NOP53: variants seen among roughly 807,000 people sequenced by gnomAD.
NOP53 encodes NOP53 ribosome biogenesis factor.
In NOP53, 40 loss-of-function variants were observed where a neutral mutation model predicts 61.0. The ratio of observed to expected loss-of-function variants is 0.66; its 90% CI spans 0.51 to 0.85. The LOEUF is 0.85. Among genes scored for constraint, NOP53 ranks in the 40% least tolerant of loss-of-function variants. The probability of loss-of-function intolerance (pLI) is 0.00; values close to 1 mark genes in which losing one functional copy is unlikely to be tolerated. For missense variants in NOP53, 689 were observed against 652.9 expected (o/e 1.06, Z -0.60); for synonymous variants, 308 against 289.5 (o/e 1.06, Z -0.65).
rs369444620 is a variant in NOP53, at chr19:47,746,962, C to T, written c.225-5C>T. ...TGGCTGATGTTCTGCATTTCTGTCC[C>T]CCAGTGGCTTGTTGTCAGAGGCCCC... On this transcript the variant is annotated splice_polypyrimidine_tract_variant and splice_region_variant and intron_variant, in intron 1 of 12. Coordinates refer to ENST00000246802, the MANE Select transcript of NOP53 (RefSeq NM_015710.5). The T allele has an allele frequency of 1.2e-6, 2 of 1,612,300 alleles. No homozygotes were observed. The highest frequency in any genetic ancestry group is 2.7e-5 in the African/African-American group (2 of 74,876).
rs1967108175 is a variant in NOP53 at position 47,750,245 on chromosome 19, C to A, written c.357C>A (p.Asp119Glu). ...SLLLKKPLRV[D>E]LILENTSKVP... ...TTCTCAAGAAACCCCTTCGGGTTGA[C>A]CTCATCCTCGAGAACACATCCAAAG... The change falls in exon 3 of 13, where the codon GAC (aspartate) becomes GAA (glutamate). Residue 119 changes from aspartate (D) to glutamate (E), a missense_variant. Asp to Glu is a conservative substitution (Grantham distance 45). Transcript: ENST00000246802. The A allele has an allele frequency of 1.2e-6, 2 of 1,612,210 alleles. No homozygotes were observed. Among genetic ancestry groups the A allele is most frequent in the African/African-American group, 1.3e-5 (1 of 75,026 alleles).
chr19:47,754,080 C>A lies in NOP53; in HGVS notation c.766-447C>A, dbSNP rs1967156059. 1 of 157,440 alleles carries A rather than the reference C, an allele frequency of 6.4e-6. No homozygotes were observed. Among genetic ancestry groups the A allele is most frequent in the Non-Finnish European group, 1.4e-5 (1 of 71,226 alleles). 9.8% of individuals were successfully genotyped at this position (157,440 alleles called of 1,614,324 possible). On this transcript the variant is annotated intron_variant, in intron 6 of 12. Transcript: ENST00000246802. This position sits in a 1 kb window ranked among gnomAD's most constrained non-coding sequence, Gnocchi z 4.2. ...ACCACCTGAGGTCAGGAGTTCAAGA[C>A]CAGCCTGACCAACATGGAGAAACCC...
chr19:47,745,730 G>T lies in NOP53; in HGVS notation c.171G>T (p.Gly57=). Residue 57 remains glycine (G), a synonymous_variant, in exon 1 of 13, where the codon GGG becomes GGT. Transcript: ENST00000246802. ...GGCGGCTTGCTCAGGAGCCGCTGGG[G>T]CTGGAGGTTGACCAGTTCCTGGAAG... is the stretch of plus-strand genomic sequence containing the variant. ...GWRRLAQEPL[G]LEVDQFLEDV... is the part of the protein sequence containing the mutation. 1 of 1,607,984 alleles carries T rather than the reference G, an allele frequency of 6.2e-7. No homozygotes were observed. The highest frequency in any genetic ancestry group is 8.5e-7 in the Non-Finnish European group (1 of 1,177,160).
intron 5 of NOP53, 72 bp downstream of exon 5, chr19:47,751,662 C>A: frequency 2.6e-6 from 3 of 1,154,892 alleles, no homozygotes; most frequent in Non-Finnish European, 3.9e-6. Flanking sequence ...TGTGTTCCTG[C>A]AGTAGAGTCT....
intron 5 of NOP53, 40 bp from the exon 6 acceptor site, chr19:47,752,472 C>G: frequency 7.9e-7 from 1 of 1,272,910 alleles, no homozygotes; most frequent in Non-Finnish European, 1.1e-6. Flanking sequence ...CCCGCAGCCC[C>G]AACGCACGGC....
Position 47,751,124 on chromosome 19 carries a change from T to C in NOP53, c.598+17T>C. 1 of 1,593,366 alleles carries C rather than the reference T, an allele frequency of 6.3e-7. No individual in the cohort carries two copies. Among genetic ancestry groups the C allele is most frequent in the Non-Finnish European group, 8.6e-7 (1 of 1,169,014 alleles). ...CCTCAGACAGTGAGTGATCCTGCTG[T>C]CACCTATGAATGGGGACAGGACGGC... On this transcript the variant is annotated intron_variant, in intron 4 of 12. Transcript: ENST00000246802.
In NOP53 at chr19:47,751,113, T is replaced by G. The variant is rs1052826141; in HGVS notation, c.598+6T>G. ...CGACCTCTGGGCCTCAGACAGTGAG[T>G]GATCCTGCTGTCACCTATGAATGGG... On this transcript the variant is annotated splice_donor_region_variant and intron_variant, in intron 4 of 12. Coordinates refer to ENST00000246802, the MANE Select transcript of NOP53 (RefSeq NM_015710.5). 6.3e-7 allele frequency: 1 copy of G among 1,599,886 alleles called. No individual in the cohort carries two copies. The highest frequency in any genetic ancestry group is 1.3e-5 in the African/African-American group (1 of 74,802).
At chr19:47,753,273 G>C (rs774841317) in intron 6 of NOP53, 1 of 152,360 alleles carries the variant, frequency 6.6e-6, no homozygotes, top group Non-Finnish European at 1.5e-5. Flanking sequence ...GTGAAACCCT[G>C]TCTCTACTAA....
chr19:47,754,468 G>A lies in NOP53; in HGVS notation c.766-59G>A. On this transcript the variant is annotated intron_variant, in intron 6 of 12. Coordinates refer to ENST00000246802, the MANE Select transcript of NOP53 (RefSeq NM_015710.5). This position sits in a 1 kb window ranked among gnomAD's most constrained non-coding sequence, Gnocchi z 4.2. ...ATGAGGGACAGATGGGAGGTAAGAG[G>A]GTCTAGTCTCAGTGTCCCAGGAGGG... 2 of 1,287,836 alleles carry A rather than the reference G, an allele frequency of 1.6e-6. No individual in the cohort carries two copies. The highest frequency in any genetic ancestry group is 5.1e-5 in the East Asian group (2 of 39,402). The allele number at this position is 1,287,836 out of a possible 1,614,324, so 79.8% of individuals were successfully genotyped here.
chr19:47,751,182 G>A, intron 4 of NOP53, 75 bp downstream of exon 4: 5 of 1,318,118 alleles, frequency 3.8e-6, no homozygotes, highest in South Asian at 2.5e-5. Context: ...TGCACTGCAC[G>A]AGAGTACAGT....
chr19:47,752,204 G>A (rs1056110266), intron 5 of NOP53, among the ~76,000 whole-genome samples: 5 of 152,202 alleles, frequency 3.3e-5, no homozygotes, highest in African/African-American at 1.2e-4. Context: ...GGTGGAGCCC[G>A]TGCTGGCAAG....
intron 6 of NOP53, chr19:47,752,829 T>C (rs1599918204): frequency 1.9e-6 from 1 of 525,768 alleles, no homozygotes; most frequent in African/African-American, 1.9e-5. Flanking sequence ...GCCTGGGGGG[T>C]CAGGAAGGGC....
chr19:47,756,810 C>G, intron 12 of NOP53, 66 bp downstream of exon 12: 1 of 1,561,292 alleles, frequency 6.4e-7, no homozygotes, highest in Non-Finnish European at 8.8e-7. Flanking sequence ...CCCACCGAGT[C>G]CCAGGGCCCC....
chr19:47,749,455 AG>A (rs891312244), intron 2 of NOP53, among the ~76,000 whole-genome samples: 5 of 152,164 alleles, frequency 3.3e-5, no homozygotes, highest in South Asian at 2.1e-4. Context: ...ATAACGGCCT[AG>A]TGAGGGAGGT....
intron 1 of NOP53, 42 bp downstream of exon 1, chr19:47,745,825 GC>G: frequency 7.5e-7 from 1 of 1,339,902 alleles, no homozygotes; most frequent in Non-Finnish European, 9.8e-7. Context: ...CGGTTCCTGC[GC>G]CCAGGTGCAA....
chr19:47,756,291 T>C, intron 10 of NOP53: 1 of 580,246 alleles, frequency 1.7e-6, no homozygotes, highest in African/African-American at 1.9e-5. Flanking sequence ...CTTTTCTGTG[T>C]CGTCACCAGC....
At chr19:47,751,682 C>A in intron 5 of NOP53, 92 bp downstream of exon 5, 1 of 986,286 alleles carries the variant, frequency 1.0e-6, no homozygotes, top group Non-Finnish European at 1.6e-6. Flanking sequence ...TGTCTCAGAG[C>A]CCTTCCATCC....
In NOP53 at chr19:47,754,168, T is replaced by A. The variant is rs1180597441; in HGVS notation, c.766-359T>A. The A allele has an allele frequency of 4.5e-6, 1 of 219,976 alleles. No homozygotes were observed. The highest frequency in any genetic ancestry group is 9.0e-6 in the Non-Finnish European group (1 of 110,814). The allele number at this position is 219,976 out of a possible 1,614,324, so 13.6% of individuals were successfully genotyped here. A position where few individuals can be genotyped will look rare whatever the true frequency, so the allele number is the denominator to read the frequency against. ...GGCACATGCCTGTAATAGTAGCTACTCGGGAGGCTGAGGCAGGAGAATCGC... is the reference window on the plus strand; with the variant it reads ...GGCACATGCCTGTAATAGTAGCTACACGGGAGGCTGAGGCAGGAGAATCGC... On this transcript the variant is annotated intron_variant, in intron 6 of 12. Coordinates refer to ENST00000246802, the MANE Select transcript of NOP53 (RefSeq NM_015710.5). This position sits in a 1 kb window ranked among gnomAD's most constrained non-coding sequence, Gnocchi z 4.2.
At chr19:47,752,447 C>A in intron 5 of NOP53, 65 bp from the exon 6 acceptor site, 2 of 995,296 alleles carry the variant, frequency 2.0e-6, no homozygotes, top group Non-Finnish European at 3.2e-6. Context: ...TGCCCCATGG[C>A]TGTGTCCTGG....
Sources: gnomAD v4.1 joint callset for allele counts (sites outside exome capture counted in the v4.1 genomes callset) on GRCh38, gnomAD v4.1.1 for gene constraint, Gnocchi (gnomAD v3.1) non-coding constraint, MANE v1.5 for transcripts, NCBI Gene and HGNC (gene_info 2026-07-23, HGNC 2026-07-21) for gene names.